Variants in ADAMTS4 observed in about 807,000 individuals in gnomAD.
The protein encoded by ADAMTS4 is ADAM metallopeptidase with thrombospondin type 1 motif 4.
A neutral mutation model predicts 66.7 loss-of-function variants in ADAMTS4; 38 were observed. The observed-to-expected ratio is 0.57, with a 90% CI of 0.44 to 0.75. The LOEUF (loss-of-function observed/expected upper bound fraction) is 0.75. Among genes scored for constraint, ADAMTS4 ranks in the 30% least tolerant of loss-of-function variants. The pLI, the probability that ADAMTS4 is intolerant of heterozygous loss-of-function variation, is 0.00. For missense variants in ADAMTS4, 1,014 were observed against 1,116.7 expected (o/e 0.91, Z 1.31); for synonymous variants, 418 against 461.5 (o/e 0.91, Z 1.21).
chr1:161,196,986 G>T, intron 1 of ADAMTS4, 106 bp from the exon 2 acceptor site: 2 of 1,096,942 alleles, frequency 1.8e-6, no homozygotes, highest in Non-Finnish European at 2.6e-6. Flanking sequence ...AGCATAGTCA[G>T]CTGGGCCCCA....
rs1558071757 is a variant in ADAMTS4 at position 161,188,910 on chromosome 1, T to TATATA, written c.*2227_*2228insTATAT. The TATATA allele has an allele frequency of 5.5e-5, 3 of 54,858 alleles. No homozygotes were observed. The highest frequency in any genetic ancestry group is 7.4e-5 in the Non-Finnish European group (2 of 26,962). The allele number at this position is 54,858 out of a possible 1,614,324, so 3.4% of individuals were successfully genotyped here. On this transcript the variant is annotated 3_prime_UTR_variant, in exon 9 of 9. Transcript: ENST00000367996. ...TATATATATATATATATATATATAT[T>TATATA]TTGTATTTTTAGTAGACACGGGGTT...
Position 161,198,650 on chromosome 1 carries a change from G to A in ADAMTS4, c.-23C>T. 1 of 1,481,314 alleles carries A rather than the reference G, an allele frequency of 6.8e-7. No individual in the cohort carries two copies. The highest frequency in any genetic ancestry group is 9.0e-7 in the Non-Finnish European group (1 of 1,112,774). The allele number at this position is 1,481,314 out of a possible 1,614,324, so 91.8% of individuals were successfully genotyped here. A position where few individuals can be genotyped will look rare whatever the true frequency, so the allele number is the denominator to read the frequency against. On this transcript the variant is annotated 5_prime_UTR_variant, in exon 1 of 9. Transcript: ENST00000367996. The surrounding 1 kb of genome is among the most constrained non-coding windows in gnomAD (Gnocchi z 4.7). ...CATGGCACTGGTACTGCAGCTGGGA[G>A]GGACTGAGGCCGTCTAGGGCACCAA...
At chr1:161,191,651 C>T (rs1420356180) in intron 8 of ADAMTS4, 87 bp from the exon 9 acceptor site, 2 of 1,365,734 alleles carry the variant, frequency 1.5e-6, no homozygotes, top group Non-Finnish European at 2.0e-6. Context: ...TATGTGTGTA[C>T]ATGTGTGTAG....
chr1:161,198,271 C>T lies in ADAMTS4; in HGVS notation c.357G>A (p.Leu119=). ...GGTAGGTGCCAGGCTCTGCTCCACC[C>T]AGCAGCTCAGGCGCCTGGCCCAGGT... The part of the protein sequence containing the change: ...VQYLGQAPEL[L]GGAEPGTYLT... Residue 119 remains leucine, a synonymous_variant, in exon 1 of 9, where the codon CTG becomes CTA. Transcript: ENST00000367996. This position sits in a 1 kb window ranked among gnomAD's most constrained non-coding sequence, Gnocchi z 4.7. 1 of 1,613,974 alleles carries T rather than the reference C, an allele frequency of 6.2e-7. No homozygotes were observed. Among genetic ancestry groups the T allele is most frequent in the African/African-American group, 1.3e-5 (1 of 75,064 alleles).
chr1:161,197,071 T>C, intron 1 of ADAMTS4, 191 bp from the exon 2 acceptor site: 1 of 583,648 alleles, frequency 1.7e-6, no homozygotes, highest in South Asian at 2.1e-5. Flanking sequence ...TCAGGGCTTT[T>C]GTGGTAACTC....
In ADAMTS4 at chr1:161,188,642, C is replaced by G. The variant is rs1369580579; in HGVS notation, c.*2496G>C. On this transcript the variant is annotated 3_prime_UTR_variant, in exon 9 of 9. Coordinates refer to ENST00000367996, the MANE Select transcript of ADAMTS4 (RefSeq NM_005099.6). ...TATTCTGCCATTTTGAGGCACCTGGCTCCCTTACCTCAGATCCTTTTCCAG... is the reference window on the plus strand; with the variant it reads ...TATTCTGCCATTTTGAGGCACCTGGGTCCCTTACCTCAGATCCTTTTCCAG... 1 of 151,712 alleles carries G rather than the reference C, an allele frequency of 6.6e-6. No individual in the cohort carries two copies. Among genetic ancestry groups the G allele is most frequent in the Non-Finnish European group, 1.5e-5 (1 of 67,944 alleles). 9.4% of individuals were successfully genotyped at this position (151,712 alleles called of 1,614,324 possible). A position where few individuals can be genotyped will look rare whatever the true frequency, so the allele number is the denominator to read the frequency against.
At chr1:161,197,305 C>G (rs1228307975) in intron 1 of ADAMTS4, 1 of 173,258 alleles carries the variant, frequency 5.8e-6, no homozygotes, top group African/African-American at 2.4e-5. Context: ...GCAGCTAGGG[C>G]CAGGGCCAGA....
At position 161,186,202 on chromosome 1, in the gene ADAMTS4, CAG is replaced by C. The variant is rs1404946198; in HGVS notation, c.*4934_*4935del. The C allele has an allele frequency of 6.6e-6, 1 of 152,330 alleles. No individual in the cohort carries two copies. The highest frequency in any genetic ancestry group is 2.4e-5 in the African/African-American group (1 of 41,556). The allele number at this position is 152,330 out of a possible 1,614,324, so 9.4% of individuals were successfully genotyped here. On this transcript the variant is annotated 3_prime_UTR_variant, in exon 9 of 9. Coordinates refer to ENST00000367996, the MANE Select transcript of ADAMTS4 (RefSeq NM_005099.6). ...GGGCAATAAGTAGGCAGATGGGAAACAGAGCTCACTGTGGCTCTTACAGGGAG... is the reference window on the plus strand; with the variant it reads ...GGGCAATAAGTAGGCAGATGGGAAACAGCTCACTGTGGCTCTTACAGGGAG...
Position 161,193,492 on chromosome 1 carries a change from C to T in ADAMTS4, c.1736-104G>A. 2.6e-6 allele frequency: 4 copies of T among 1,523,442 alleles called. No individual in the cohort carries two copies. The allele number at this position is 1,523,442 out of a possible 1,614,324, so 94.4% of individuals were successfully genotyped here. On this transcript the variant is annotated intron_variant, in intron 6 of 8. Transcript: ENST00000367996. This position sits in a 1 kb window ranked among gnomAD's most constrained non-coding sequence, Gnocchi z 4.4. Reference sequence around the variant, plus strand: ...CTAGACAGCACAGCTCTGCTCTTCCCTGCAGACGGCCAAGGACAATTCCCA... The same window carrying T: ...CTAGACAGCACAGCTCTGCTCTTCCTTGCAGACGGCCAAGGACAATTCCCA...
chr1:161,192,009 A>G (rs751036482), intron 8 of ADAMTS4, 56 bp downstream of exon 8: 2 of 1,575,476 alleles, frequency 1.3e-6, no homozygotes, highest in Non-Finnish European at 1.7e-6. Flanking sequence ...TCCCCTCTGC[A>G]TCACTAGGAC....
At position 161,191,323 on chromosome 1, in the gene ADAMTS4, G is replaced by A. The variant is rs1187477524; in HGVS notation, c.2329C>T (p.Leu777=). ...ACTTGCAGTGTCAAAGGCTGGGCCA[G>A]TGGCCCATGGCCTGACAGTGTCTCT... The part of the protein sequence containing the change: ...ASETLSGHGP[L]AQPLTLQVLV... Residue 777 remains leucine, a synonymous_variant, in exon 9 of 9, where the codon CTG becomes TTG. Transcript: ENST00000367996. 1 of 1,613,990 alleles carries A rather than the reference G, an allele frequency of 6.2e-7. No individual in the cohort carries two copies. Among genetic ancestry groups the A allele is most frequent in the Non-Finnish European group, 8.5e-7 (1 of 1,180,028 alleles).
Position 161,193,117 on chromosome 1 carries a change from A to G in ADAMTS4, c.1911+96T>C, listed in dbSNP as rs1339162216. The G allele has an allele frequency of 3.3e-5, 46 of 1,378,234 alleles. No individual in the cohort carries two copies. Among genetic ancestry groups the G allele is most frequent in the Non-Finnish European group, 4.4e-5 (45 of 1,025,334 alleles). 85.4% of individuals were successfully genotyped at this position (1,378,234 alleles called of 1,614,324 possible). On this transcript the variant is annotated intron_variant, in intron 7 of 8. Coordinates refer to ENST00000367996, the MANE Select transcript of ADAMTS4 (RefSeq NM_005099.6). This position sits in a 1 kb window ranked among gnomAD's most constrained non-coding sequence, Gnocchi z 4.4. ...ACTGGGCTGGCGTGGCTGTAGGAAC[A>G]GGGTTACTTTGGGTGATCTTTGTTA...
chr1:161,198,891 T>G lies in ADAMTS4; in HGVS notation c.-264A>C, dbSNP rs1055017923. The stretch of plus-strand genomic sequence containing the variant: ...CTGGATCTTTGTCTCTCCCTGCCTG[T>G]GTCTTCTGCAGCTTCTCTGGCCTCT... On this transcript the variant is annotated 5_prime_UTR_variant, in exon 1 of 9. Transcript: ENST00000367996. The surrounding 1 kb of genome is among the most constrained non-coding windows in gnomAD (Gnocchi z 4.7). 2.3e-6 allele frequency: 1 copy of G among 426,208 alleles called. No homozygotes were observed. Among genetic ancestry groups the G allele is most frequent in the Non-Finnish European group, 4.2e-6 (1 of 240,506 alleles). 26.4% of individuals were successfully genotyped at this position (426,208 alleles called of 1,614,324 possible). A position where few individuals can be genotyped will look rare whatever the true frequency, so the allele number is the denominator to read the frequency against.
Position 161,185,002 on chromosome 1 carries a change from C to CT in ADAMTS4, c.*6135_*6136insA, listed in dbSNP as rs1664515080. On this transcript the variant is annotated 3_prime_UTR_variant, in exon 9 of 9. Transcript: ENST00000367996. ...CGCCATTGCACTCTAGCCTGGGTGA[C>CT]AGAATGAGAATCTGTCTTAAGAAAA... 1 of 124,486 alleles carries CT rather than the reference C, an allele frequency of 8.0e-6. No individual in the cohort carries two copies. The highest frequency in any genetic ancestry group is 1.1e-4 in the Admixed American group (1 of 8,734). The allele number at this position is 124,486 out of a possible 1,614,324, so 7.7% of individuals were successfully genotyped here. A position where few individuals can be genotyped will look rare whatever the true frequency, so the allele number is the denominator to read the frequency against.
rs747959527 is a variant in ADAMTS4 at position 161,198,348 on chromosome 1, G to A, written c.280C>T (p.Leu94=). 1 of 1,613,286 alleles carries A rather than the reference G, an allele frequency of 6.2e-7. No individual in the cohort carries two copies. The highest frequency in any genetic ancestry group is 8.5e-7 in the Non-Finnish European group (1 of 1,179,960). The change falls in exon 1 of 9, where the codon CTA becomes TTA. Residue 94 remains leucine, a synonymous_variant. Coordinates refer to ENST00000367996, the MANE Select transcript of ADAMTS4 (RefSeq NM_005099.6). This position sits in a 1 kb window ranked among gnomAD's most constrained non-coding sequence, Gnocchi z 4.7. The part of the protein sequence containing the change: ...RLQAFGETLL[L]ELEQDSGVQV... ...ACACCGGAGTCCTGCTCCAGCTCTA[G>A]TAGCAGCGTCTCCCCAAAGGCCTGC...
Position 161,193,552 on chromosome 1 carries a change from T to C in ADAMTS4, c.1735+88A>G. On this transcript the variant is annotated intron_variant, in intron 6 of 8. Coordinates refer to ENST00000367996, the MANE Select transcript of ADAMTS4 (RefSeq NM_005099.6). This position sits in a 1 kb window ranked among gnomAD's most constrained non-coding sequence, Gnocchi z 4.4. ...GGCACTCCCCACAGCAGCAGGGGAATCAACACCCCCTTGGTCTTGCACTCA... is the reference window on the plus strand; with the variant it reads ...GGCACTCCCCACAGCAGCAGGGGAACCAACACCCCCTTGGTCTTGCACTCA... 6.5e-7 allele frequency: 1 copy of C among 1,527,936 alleles called. No individual in the cohort carries two copies. 94.6% of individuals were successfully genotyped at this position (1,527,936 alleles called of 1,614,324 possible).
Position 161,196,650 on chromosome 1 carries a change from G to A in ADAMTS4, c.864C>T (p.Thr288=). The A allele has an allele frequency of 1.2e-6, 2 of 1,614,162 alleles. No homozygotes were observed. The highest frequency in any genetic ancestry group is 1.7e-6 in the Non-Finnish European group (2 of 1,180,024). The change falls in exon 2 of 9, where the codon ACC becomes ACT. Residue 288 remains threonine (T), a synonymous_variant. Coordinates refer to ENST00000367996, the MANE Select transcript of ADAMTS4 (RefSeq NM_005099.6). Reference sequence around the variant, plus strand: ...GCTGCCAGGCACAGAAGCTGCGCAGGGTCTGGGCAGCACTGGGCCCCACTT... The same window carrying A: ...GCTGCCAGGCACAGAAGCTGCGCAGAGTCTGGGCAGCACTGGGCCCCACTT... ...GPQVGPSAAQ[T]LRSFCAWQRG... is the part of the protein sequence containing the mutation.
chr1:161,189,937 G>A lies in ADAMTS4; in HGVS notation c.*1201C>T, dbSNP rs1664621272. ...ATTTAAAAAATATGTACCGGGCGTG[G>A]TGGCTCACACCTGTAATCCCAGCAC... On this transcript the variant is annotated 3_prime_UTR_variant, in exon 9 of 9. Transcript: ENST00000367996. The A allele has an allele frequency of 6.6e-6, 1 of 152,204 alleles. No homozygotes were observed. Among genetic ancestry groups the A allele is most frequent in the Non-Finnish European group, 1.5e-5 (1 of 68,054 alleles). The allele number at this position is 152,204 out of a possible 1,614,324, so 9.4% of individuals were successfully genotyped here. A position where few individuals can be genotyped will look rare whatever the true frequency, so the allele number is the denominator to read the frequency against.
In ADAMTS4 at chr1:161,195,509, G is replaced by A. The variant is rs371451268; in HGVS notation, c.1217C>T (p.Pro406Leu). 1.2e-6 allele frequency: 2 copies of A among 1,613,438 alleles called. No homozygotes were observed. The highest frequency in any genetic ancestry group is 1.3e-5 in the African/African-American group (1 of 74,896). Residue 406 changes from proline to leucine, a missense_variant, in exon 4 of 9, where the codon CCC (proline) becomes CTC (leucine). Transcript: ENST00000367996. ...GTCAGTGATGAAGCGGGCACTGCAG[G>A]GGGACCAGGGCTCCTCAGGATCCAC... ...AHVDPEEPWS[P>L]CSARFITDFL...
Sources: gnomAD v4.1 joint callset for allele counts on GRCh38, gnomAD v4.1.1 for gene constraint, Gnocchi (gnomAD v3.1) non-coding constraint, MANE v1.5 for transcripts, NCBI Gene and HGNC (gene_info 2026-07-23, HGNC 2026-07-21) for gene names.